The following ZNF678 variants were observed in gnomAD, a reference collection of about 807,000 sequenced individuals.
ZNF678 encodes zinc finger protein 678.
Under a neutral mutation model 3.0 loss-of-function variants are expected in ZNF678, and 5 were observed. That is an observed-to-expected ratio of 1.69 (90% confidence interval 0.88 to 3.56). The LOEUF (loss-of-function observed/expected upper bound fraction) is 3.56. Ranked by LOEUF, ZNF678 falls within the 30% of genes most tolerant of loss-of-function variation. ZNF678 has a pLI of 0.00. For missense variants in ZNF678, 593 were observed against 605.0 expected (o/e 0.98, Z 0.21); for synonymous variants, 218 against 199.6 (o/e 1.09, Z -0.78).
At chr1:227,611,341 C>T (rs1658015399) in intron 1 of ZNF678, among the ~76,000 whole-genome samples, 1 of 152,174 alleles carries the variant, frequency 6.6e-6, no homozygotes, top group African/African-American at 2.4e-5. Flanking sequence ...ATTCAAGGAC[C>T]TGCCATCTCC....
chr1:227,667,039 C>T (rs1264408643), downstream of ZNF678, among the ~76,000 whole-genome samples: 2 of 151,644 alleles, frequency 1.3e-5, no homozygotes, highest in Admixed American at 6.6e-5. Flanking sequence ...GCTACCGCAC[C>T]CGGCCTCTCC....
chr1:227,613,529 C>T (rs1658074304), intron 1 of ZNF678, among the ~76,000 whole-genome samples: 1 of 152,176 alleles, frequency 6.6e-6, no homozygotes, highest in Non-Finnish European at 1.5e-5. Flanking sequence ...TGCTGCCTCA[C>T]TAGGTCTTTT....
chr1:227,650,031 T>G (rs1182727643), intron 2 of ZNF678, among the ~76,000 whole-genome samples: 1 of 152,190 alleles, frequency 6.6e-6, no homozygotes, highest in African/African-American at 2.4e-5. Context: ...CAGTCCAACT[T>G]GTTAATATTT....
Position 227,646,592 on chromosome 1 carries a change from T to C in ZNF678, c.-115T>C, listed in dbSNP as rs1191938715. On this transcript the variant is annotated 5_prime_UTR_variant, in exon 2 of 4. Coordinates refer to ENST00000343776, the MANE Select transcript of ZNF678 (RefSeq NM_001367909.1). ...GGTCATAGAATTCTCTCCAGAGGAGTGGGCATGCCTGGACCCTGCCCAGCG... is the reference window on the plus strand; with the variant it reads ...GGTCATAGAATTCTCTCCAGAGGAGCGGGCATGCCTGGACCCTGCCCAGCG... The C allele has an allele frequency of 7.3e-7, 1 of 1,371,980 alleles. No individual in the cohort carries two copies. Among genetic ancestry groups the C allele is most frequent in the Non-Finnish European group, 9.8e-7 (1 of 1,024,532 alleles). 85.0% of individuals were successfully genotyped at this position (1,371,980 alleles called of 1,614,324 possible). A position where few individuals can be genotyped will look rare whatever the true frequency, so the allele number is the denominator to read the frequency against.
At chr1:227,620,371 T>G (rs527268103) in intron 1 of ZNF678, among the ~76,000 whole-genome samples, 2 of 151,952 alleles carry the variant, frequency 1.3e-5, no homozygotes, top group South Asian at 2.1e-4. Context: ...CTGAAAAAGT[T>G]TGTGTGTGTG....
chr1:227,575,054 G>A (rs1448746887), intron 1 of ZNF678, among the ~76,000 whole-genome samples: 1 of 152,096 alleles, frequency 6.6e-6, no homozygotes, highest in Non-Finnish European at 1.5e-5. Flanking sequence ...TAGTTGTATA[G>A]TTGTAGGTGT....
chr1:227,654,335 G>T lies in ZNF678; in HGVS notation c.86-1G>T. The T allele has an allele frequency of 6.7e-7, 1 of 1,501,392 alleles. No individual in the cohort carries two copies. The highest frequency in any genetic ancestry group is 1.8e-4 in the Middle Eastern group (1 of 5,600). 93.0% of individuals were successfully genotyped at this position (1,501,392 alleles called of 1,614,324 possible). A position where few individuals can be genotyped will look rare whatever the true frequency, so the allele number is the denominator to read the frequency against. On this transcript the variant is annotated splice_acceptor_variant, in intron 3 of 3. Coordinates refer to ENST00000343776, the MANE Select transcript of ZNF678 (RefSeq NM_001367909.1). LOFTEE classifies it high-confidence loss of function. The stretch of plus-strand genomic sequence containing the variant: ...TAACTTTTTATTTTTATTTCTTTCA[G>T]CTATTTTATCTTATTCCATTCAAGA...
At chr1:227,613,932 C>A (rs1442150997) in intron 1 of ZNF678, among the ~76,000 whole-genome samples, 1 of 152,216 alleles carries the variant, frequency 6.6e-6, no homozygotes, top group Non-Finnish European at 1.5e-5. Flanking sequence ...CTCTGCTCAT[C>A]CTGCTGAAAT....
intron 5 of ZNF678, among the ~76,000 whole-genome samples, chr1:227,675,668 A>G (rs1033496827): frequency 6.6e-6 from 1 of 152,096 alleles, no homozygotes; most frequent in Non-Finnish European, 1.5e-5. Context: ...AAAATTATAC[A>G]TATAGTTACT....
rs117740743 is a variant in ZNF678 at position 227,622,939 on chromosome 1, T to C, written c.-163-23605T>C. On this transcript the variant is annotated intron_variant, in intron 1 of 3. Transcript: ENST00000343776. ...TACATGCTTCTTACTATTAATATAA[T>C]CACATTCTTGCAATGAGGGAACCTC... Among the ~76,000 whole-genome samples, 141 of 152,326 alleles carry C rather than the reference T, an allele frequency of 9.3e-4. 5 individuals are homozygous for C. In the East Asian group the frequency reaches 0.023, roughly 25 times the overall value.
intron 1 of ZNF678, among the ~76,000 whole-genome samples, chr1:227,570,975 A>G (rs2102715489): frequency 6.6e-6 from 1 of 152,330 alleles, no homozygotes; most frequent in South Asian, 2.1e-4. Context: ...AAACTATAAT[A>G]TAGTTTATGC....
intron 1 of ZNF678, among the ~76,000 whole-genome samples, chr1:227,634,486 A>G (rs2102784223): frequency 6.6e-6 from 1 of 152,302 alleles, no homozygotes; most frequent in East Asian, 1.9e-4. Flanking sequence ...GGAAAAGGGA[A>G]ACACACTGCC....
rs1298217288 is a variant in ZNF678 at position 227,650,948 on chromosome 1, C to G, written c.-36-8C>G. On this transcript the variant is annotated splice_polypyrimidine_tract_variant and splice_region_variant and intron_variant, in intron 2 of 3. Coordinates refer to ENST00000343776, the MANE Select transcript of ZNF678 (RefSeq NM_001367909.1). ...TAAAAAATTTTCTTGCCTAATTGTT[C>G]TGTCTAGGACTTCCAGGACTATGTT... The G allele has an allele frequency of 6.5e-7, 1 of 1,536,208 alleles. No homozygotes were observed. The highest frequency in any genetic ancestry group is 8.8e-7 in the Non-Finnish European group (1 of 1,139,090).
chr1:227,574,167 A>G (rs567058581), intron 1 of ZNF678, among the ~76,000 whole-genome samples: 1 of 152,334 alleles, frequency 6.6e-6, no homozygotes, highest in Admixed American at 6.5e-5. Context: ...AGAATGATTT[A>G]TATTCCTTCA....
intron 1 of ZNF678, among the ~76,000 whole-genome samples, chr1:227,606,789 G>A (rs115922016): frequency 1.3e-3 from 203 of 152,254 alleles, no homozygotes; most frequent in African/African-American, 4.8e-3. Context: ...CTTTTACCAA[G>A]CATACTGTCT....
chr1:227,571,477 T>C (rs1461163011), intron 1 of ZNF678, among the ~76,000 whole-genome samples: 1 of 152,240 alleles, frequency 6.6e-6, no homozygotes, highest in Non-Finnish European at 1.5e-5. Flanking sequence ...TTATTTTGGA[T>C]GACAATGTGC....
At chr1:227,647,180 C>T (rs555520646) in intron 2 of ZNF678, among the ~76,000 whole-genome samples, 1 of 152,292 alleles carries the variant, frequency 6.6e-6, no homozygotes, top group East Asian at 1.9e-4. Flanking sequence ...TCACTTGAAC[C>T]TGAGAGGCAG....
intron 5 of ZNF678, among the ~76,000 whole-genome samples, chr1:227,669,735 C>A (rs1659569114): frequency 6.6e-6 from 1 of 151,762 alleles, no homozygotes; most frequent in Non-Finnish European, 1.5e-5. Flanking sequence ...ATAAAAAAAA[C>A]CCATACCCCG....
chr1:227,618,376 G>A (rs1658192108), intron 1 of ZNF678, among the ~76,000 whole-genome samples: 1 of 152,242 alleles, frequency 6.6e-6, no homozygotes, highest in African/African-American at 2.4e-5. Flanking sequence ...GTTAGGTGTT[G>A]GAACTTTGGT....
Sources: gnomAD v4.1 joint callset for allele counts (sites outside exome capture counted in the v4.1 genomes callset) on GRCh38, gnomAD v4.1.1 for gene constraint, MANE v1.5 for transcripts, NCBI Gene and HGNC (gene_info 2026-07-23, HGNC 2026-07-21) for gene names.